The following EXD3 variants were observed in gnomAD, a reference collection of about 807,000 sequenced individuals.
The protein encoded by EXD3 is exonuclease 3'-5' domain containing 3.
Under a neutral mutation model 98.0 loss-of-function variants are expected in EXD3, and 92 were observed. The observed-to-expected ratio is 0.94, with a 90% confidence interval of 0.79 to 1.12. The LOEUF is 1.12. Among genes scored for constraint, EXD3 ranks in the 50% most tolerant of loss-of-function variants. The probability of loss-of-function intolerance (pLI) is 0.00; values close to 1 mark genes in which losing one functional copy is unlikely to be tolerated. For synonymous variants in EXD3, 569 were observed against 526.0 expected (o/e 1.08, Z -1.12); for missense variants, 1,222 against 1,191.6 (o/e 1.03, Z -0.38).
chr9:137,396,718 C>T (rs778577782), intron 1 of EXD3, among the ~76,000 whole-genome samples: 7 of 152,236 alleles, frequency 4.6e-5, no homozygotes, highest in East Asian at 1.9e-4. Context: ...CGTTCCCAGC[C>T]GCGTCACATG....
In EXD3 at chr9:137,385,512, CAA is replaced by C. The variant is rs1836544189; in HGVS notation, c.56-2137_56-2136del. 6.6e-6 allele frequency among the ~76,000 whole-genome samples: 1 copy of C among 152,168 alleles called. No individual in the cohort carries two copies. Among genetic ancestry groups the C allele is most frequent in the African/African-American group, 2.4e-5 (1 of 41,462 alleles). Reference sequence around the variant, plus strand: ...CACATGGGTTGCACTTCACAATAAACAAAAGAGACTTTTATTTTGTTATTTAA... The same window carrying C: ...CACATGGGTTGCACTTCACAATAAACAAGAGACTTTTATTTTGTTATTTAA... On this transcript the variant is annotated intron_variant, in intron 2 of 21. Coordinates refer to ENST00000340951, the MANE Select transcript of EXD3 (RefSeq NM_017820.5). This position sits in a 1 kb window ranked among gnomAD's most constrained non-coding sequence, Gnocchi z 4.4.
Position 137,356,284 on chromosome 9 carries a change from C to G in EXD3, c.741G>C (p.Arg247=). The G allele has an allele frequency of 6.2e-7, 1 of 1,602,010 alleles. No homozygotes were observed. Among genetic ancestry groups the G allele is most frequent in the Non-Finnish European group, 8.5e-7 (1 of 1,175,236 alleles). ...TGGACTCACCTGGGGCTACGCCGTA[C>G]CGCTCCTGCAGACGCAAGACCTGCC... is the stretch of plus-strand genomic sequence containing the variant. ...LSRQVLRLQE[R]YGVAPALCPN... is the part of the protein sequence containing the mutation. Residue 247 remains arginine (R), a synonymous_variant, in exon 8 of 22, where the codon CGG becomes CGC. Transcript: ENST00000340951.
intron 19 of EXD3, among the ~76,000 whole-genome samples, chr9:137,314,099 G>A (rs911908009): frequency 1.3e-5 from 2 of 152,154 alleles, no homozygotes; most frequent in African/African-American, 2.4e-5. Context: ...CCGCCCAACC[G>A]ATGGTGGGGA....
At chr9:137,333,987 C>T (rs1316964171) in intron 17 of EXD3, among the ~76,000 whole-genome samples, 1 of 151,802 alleles carries the variant, frequency 6.6e-6, no homozygotes, top group Non-Finnish European at 1.5e-5. Flanking sequence ...AGACTACAGG[C>T]GCCCACCACC....
intron 10 of EXD3, 183 bp downstream of exon 10, chr9:137,354,156 G>C: frequency 7.0e-7 from 1 of 1,429,092 alleles, no homozygotes; most frequent in Non-Finnish European, 9.2e-7. Context: ...TCCCGCTCAG[G>C]CCTCCCGGGC....
chr9:137,348,109 T>C lies in EXD3; in HGVS notation c.1960A>G (p.Met654Val), dbSNP rs756977327. 15 of 1,611,932 alleles carry C rather than the reference T, an allele frequency of 9.3e-6. No individual in the cohort carries two copies. The East Asian group carries it at 1.3e-4, about 14-fold the overall frequency. The stretch of plus-strand genomic sequence containing the variant: ...CGGTGGTCTTCACCATTGCCCAGCA[T>C]GCGTGCATCCACACCGAGACAGCGG... ...SLRCLGVDAR[M>V]LGNGEDHRRA... Residue 654 changes from methionine to valine, a missense_variant, in exon 17 of 22, where the codon ATG becomes GTG. Physicochemically the swap from Met to Val is conservative, Grantham distance 21. Transcript: ENST00000340951.
chr9:137,343,274 C>T (rs932037444), intron 17 of EXD3: 2 of 152,196 alleles, frequency 1.3e-5, no homozygotes, highest in African/African-American at 4.8e-5. Context: ...GGATTAAACT[C>T]TAGGCATGGT....
At chr9:137,319,441 C>T (rs1831905256) in intron 19 of EXD3, among the ~76,000 whole-genome samples, 2 of 152,232 alleles carry the variant, frequency 1.3e-5, no homozygotes. Flanking sequence ...GGTGGCCGAT[C>T]AGTGGTGTTC....
intron 1 of EXD3, among the ~76,000 whole-genome samples, chr9:137,401,336 T>C (rs1837474255): frequency 1.3e-5 from 2 of 152,078 alleles, no homozygotes; most frequent in Non-Finnish European, 2.9e-5. Flanking sequence ...TTTGTATTTT[T>C]AGTAGAGACG....
At chr9:137,361,669 C>T (rs1003657874) in intron 7 of EXD3, among the ~76,000 whole-genome samples, 1 of 150,604 alleles carries the variant, frequency 6.6e-6, no homozygotes, top group Non-Finnish European at 1.5e-5. Context: ...TTACTTGAAC[C>T]CGGGAGGCGG....
chr9:137,415,548 C>T (rs111863196), intron 1 of EXD3, among the ~76,000 whole-genome samples: 1,953 of 152,284 alleles, frequency 0.013, 42 homozygotes, highest in African/African-American at 0.044. Flanking sequence ...TTTAGCTCTG[C>T]GGCAAGCTTC....
rs1365361908 is a variant in EXD3, at chr9:137,403,949, G to A, written c.-47-8545C>T. Reference sequence around the variant, plus strand: ...CCGAAGGATGTGGAGTGTCCTCCAGGGCCGTACAAAGCACCACACACAGGG... The same window carrying A: ...CCGAAGGATGTGGAGTGTCCTCCAGAGCCGTACAAAGCACCACACACAGGG... On this transcript the variant is annotated intron_variant, in intron 1 of 21. Transcript: ENST00000340951. The surrounding 1 kb of genome is among the most constrained non-coding windows in gnomAD (Gnocchi z 6.1). Among the ~76,000 whole-genome samples, 1 of 152,072 alleles carries A rather than the reference G, an allele frequency of 6.6e-6. No individual in the cohort carries two copies. The highest frequency in any genetic ancestry group is 1.5e-5 in the Non-Finnish European group (1 of 67,984).
At chr9:137,315,686 T>C (rs1831611207) in intron 19 of EXD3, among the ~76,000 whole-genome samples, 1 of 152,064 alleles carries the variant, frequency 6.6e-6, no homozygotes, top group Admixed American at 6.5e-5. Flanking sequence ...TACTTTTTTA[T>C]ATGAAAAAAT....
intron 2 of EXD3, among the ~76,000 whole-genome samples, chr9:137,389,541 G>A (rs1279324316): frequency 6.6e-6 from 1 of 152,180 alleles, no homozygotes; most frequent in Non-Finnish European, 1.5e-5. Flanking sequence ...CGATGCTGTG[G>A]ACCCCACAAG....
At chr9:137,341,450 G>A (rs1357976965) in intron 17 of EXD3, among the ~76,000 whole-genome samples, 1 of 152,240 alleles carries the variant, frequency 6.6e-6, no homozygotes, top group African/African-American at 2.4e-5. Flanking sequence ...ACACAGCAAT[G>A]TCAGCAAAGG....
intron 8 of EXD3, among the ~76,000 whole-genome samples, chr9:137,355,410 G>A (rs1409811855): frequency 3.6e-5 from 2 of 54,870 alleles, no homozygotes; most frequent in South Asian, 8.3e-4. Flanking sequence ...TCTGCCCTGA[G>A]GCAGGGAGGA....
rs1255102195 is a variant in EXD3 at position 137,393,696 on chromosome 9, C to T, written c.55+1607G>A. On this transcript the variant is annotated intron_variant, in intron 2 of 21. Coordinates refer to ENST00000340951, the MANE Select transcript of EXD3 (RefSeq NM_017820.5). This position sits in a 1 kb window ranked among gnomAD's most constrained non-coding sequence, Gnocchi z 4.6. ...GGGATAGGGAAACTGAGGCAGAGAG[C>T]CTCAGCTGCTGCCATGTGGGAGCAG... Among the ~76,000 whole-genome samples, 1 of 152,172 alleles carries T rather than the reference C, an allele frequency of 6.6e-6. No individual in the cohort carries two copies. Among genetic ancestry groups the T allele is most frequent in the South Asian group, 2.1e-4 (1 of 4,836 alleles).
chr9:137,392,940 G>A (rs1837009744), intron 2 of EXD3: 9 of 589,906 alleles, frequency 1.5e-5, no homozygotes, highest in Admixed American at 2.8e-5. Context: ...GTTCCAGGGA[G>A]GGCCATTAGT....
At chr9:137,352,494 CT>C (rs1834358284) in intron 11 of EXD3, 125 bp downstream of exon 11, 1 of 1,063,234 alleles carries the variant, frequency 9.4e-7, no homozygotes, top group South Asian at 1.7e-5. Flanking sequence ...TAGCTGCGCT[CT>C]TTGTTTTGTC....
Sources: allele counts gnomAD v4.1 joint callset (sites outside exome capture counted in the v4.1 genomes callset), GRCh38; gene constraint gnomAD v4.1.1; non-coding constraint Gnocchi (gnomAD v3.1); transcripts MANE v1.5; gene names NCBI Gene and HGNC (gene_info 2026-07-23, HGNC 2026-07-21).